ERVW-1: variants seen among roughly 807,000 people sequenced by gnomAD.
ERVW-1 encodes syncytin-1.
A neutral mutation model predicts 16.6 loss-of-function variants in ERVW-1; 21 were observed. The observed-to-expected ratio is 1.26, with a 90% CI of 0.90 to 1.82. The LOEUF (loss-of-function observed/expected upper bound fraction) is 1.82, where lower values mean the gene tolerates loss of function less well. Among genes scored for constraint, ERVW-1 ranks in the 40% most tolerant of loss-of-function variants. ERVW-1 has a pLI of 0.00. For synonymous variants in ERVW-1, 161 were observed against 109.8 expected (o/e 1.47, Z -2.92); for missense variants, 412 against 300.2 (o/e 1.37, Z -2.75).
chr7:92,468,986 G>C lies in ERVW-1; in HGVS notation c.1396C>G (p.Pro466Ala), dbSNP rs1299795589. The C allele has an allele frequency of 2.6e-6, 2 of 760,256 alleles. No individual in the cohort carries two copies. Among genetic ancestry groups the C allele is most frequent in the Non-Finnish European group, 4.8e-6 (2 of 416,398 alleles). The allele number at this position is 760,256 out of a possible 1,614,324, so 47.1% of individuals were successfully genotyped here. ...AAIILLLLFGPCIFNLLVNFV... is the reference protein window; with the variant it reads ...AAIILLLLFGACIFNLLVNFV... ...TTAACAAGGAGGTTAAAGATACAGG[G>C]TCCAAAGAGGAGTAGCAATATTATA... The change falls in exon 2 of 2, where the codon CCC becomes GCC. Residue 466 changes from proline (P) to alanine (A), a missense_variant. Physicochemically the swap from Pro to Ala is conservative, Grantham distance 27 (BLOSUM62 -1). Coordinates refer to ENST00000603053, the MANE Select transcript of ERVW-1 (RefSeq NM_001130925.2).
intron 1 of ERVW-1, chr7:92,470,830 G>T (rs547498392): frequency 5.9e-6 from 1 of 168,576 alleles, no homozygotes; most frequent in Non-Finnish European, 1.4e-5. Flanking sequence ...TATGGGCTAA[G>T]TCCTGCTTTT....
chr7:92,471,940 G>C (rs1299927313), intron 1 of ERVW-1: 1 of 152,192 alleles, frequency 6.6e-6, no homozygotes, highest in Non-Finnish European at 1.5e-5. Flanking sequence ...AGTTCTGCTA[G>C]CTGAGCACTA....
At position 92,469,386 on chromosome 7, in the gene ERVW-1, T is replaced by G. The variant is rs751548935; in HGVS notation, c.996A>C (p.Ala332=). Residue 332 remains alanine (A), a synonymous_variant, in exon 2 of 2, where the codon GCA becomes GCC. Coordinates refer to ENST00000603053, the MANE Select transcript of ERVW-1 (RefSeq NM_001130925.2). ...PFVIGAGVLG[A]LGTGIGGITT... is the part of the protein sequence containing the mutation. ...TGATACCGCCAATGCCAGTACCTAG[T>G]GCACCTAGCACTCCTGCTCCTATAA... is the stretch of plus-strand genomic sequence containing the variant. The G allele has an allele frequency of 1.3e-6, 1 of 770,550 alleles. No homozygotes were observed. Among genetic ancestry groups the G allele is most frequent in the African/African-American group, 1.7e-5 (1 of 59,074 alleles). The allele number at this position is 770,550 out of a possible 1,614,324, so 47.7% of individuals were successfully genotyped here. A position where few individuals can be genotyped will look rare whatever the true frequency, so the allele number is the denominator to read the frequency against.
chr7:92,469,736 T>C lies in ERVW-1; in HGVS notation c.646A>G (p.Thr216Ala), dbSNP rs756550046. The change falls in exon 2 of 2, where the codon ACT becomes GCT. Residue 216 changes from threonine to alanine, a missense_variant. Transcript: ENST00000603053. ...WNNFSTEINT[T>A]SVLVGPLVSN... ...ACAAGAGGTCCTACTAAAACGGAAG[T>C]GGTGTTTATTTCTGTGCTGAAGTTG... is the stretch of plus-strand genomic sequence containing the variant. 1.3e-6 allele frequency: 1 copy of C among 764,074 alleles called. No homozygotes were observed. The highest frequency in any genetic ancestry group is 2.4e-6 in the Non-Finnish European group (1 of 417,770). 47.3% of individuals were successfully genotyped at this position (764,074 alleles called of 1,614,324 possible).
At position 92,470,024 on chromosome 7, in the gene ERVW-1, C is replaced by T. The variant is rs375431669; in HGVS notation, c.358G>A (p.Val120Ile). 1.3e-6 allele frequency: 1 copy of T among 778,726 alleles called. No homozygotes were observed. Among genetic ancestry groups the T allele is most frequent in the Non-Finnish European group, 2.4e-6 (1 of 417,932 alleles). 48.2% of individuals were successfully genotyped at this position (778,726 alleles called of 1,614,324 possible). ...TQTGMSDGGGVQDQAREKHVK... is the reference protein window; with the variant it reads ...TQTGMSDGGGIQDQAREKHVK... ...TGTTTTTCTCTTGCCTGATCTTGAA[C>T]TCCACCCCCATCAGACATACCAGTT... Residue 120 changes from valine to isoleucine, a missense_variant, in exon 2 of 2, where the codon GTT becomes ATT. Val to Ile is a conservative substitution (Grantham distance 29, BLOSUM62 3). Transcript: ENST00000603053.
chr7:92,475,984 T>C (rs1790526942), intron 1 of ERVW-1, among the ~76,000 whole-genome samples: 2 of 152,212 alleles, frequency 1.3e-5, no homozygotes, highest in Admixed American at 1.3e-4. Context: ...TTTCTAACTC[T>C]GCTTCCACAA....
chr7:92,470,165 A>G lies in ERVW-1; in HGVS notation c.217T>C (p.Tyr73His), dbSNP rs1164357005. 1 of 778,706 alleles carries G rather than the reference A, an allele frequency of 1.3e-6. No homozygotes were observed. The highest frequency in any genetic ancestry group is 1.7e-5 in the African/African-American group (1 of 59,038). 48.2% of individuals were successfully genotyped at this position (778,706 alleles called of 1,614,324 possible). The stretch of plus-strand genomic sequence containing the variant: ...TGCATGCAAAGAGTGGCAGAGTGAT[A>G]GCAGTTGCGGGGCATATGGGTGTGG... ...TAHTHMPRNCYHSATLCMHAN... is the reference protein window; with the variant it reads ...TAHTHMPRNCHHSATLCMHAN... Residue 73 changes from tyrosine (Y) to histidine (H), a missense_variant, in exon 2 of 2, where the codon TAT (tyrosine) becomes CAT (histidine). Tyr to His is a moderately conservative substitution (Grantham distance 83, BLOSUM62 2). Transcript: ENST00000603053.
intron 1 of ERVW-1, chr7:92,471,031 T>C (rs1790328070): frequency 6.0e-6 from 1 of 167,044 alleles, no homozygotes; most frequent in Non-Finnish European, 1.5e-5. Context: ...ACTCCCTGGG[T>C]TACTGTGGCC....
At position 92,470,220 on chromosome 7, in the gene ERVW-1, A is replaced by G. The variant is rs1790285347; in HGVS notation, c.162T>C (p.Ser54=). ...TGAAGGTGGGGGTTCCCTTAGAAAGACTCCTATACGATGGGGCATCAATAT... is the reference window on the plus strand; with the variant it reads ...TGAAGGTGGGGGTTCCCTTAGAAAGGCTCCTATACGATGGGGCATCAATAT... ...PGNIDAPSYR[S]LSKGTPTFTA... is the part of the protein sequence containing the mutation. The change falls in exon 2 of 2, where the codon AGT becomes AGC. Residue 54 remains serine, a synonymous_variant. Coordinates refer to ENST00000603053, the MANE Select transcript of ERVW-1 (RefSeq NM_001130925.2). 1 of 777,972 alleles carries G rather than the reference A, an allele frequency of 1.3e-6. No individual in the cohort carries two copies. Among genetic ancestry groups the G allele is most frequent in the Non-Finnish European group, 2.4e-6 (1 of 417,644 alleles). 48.2% of individuals were successfully genotyped at this position (777,972 alleles called of 1,614,324 possible).
In ERVW-1 at chr7:92,469,402, G is replaced by C. The variant is rs890898382; in HGVS notation, c.980C>G (p.Ala327Gly). ...AGTACCTAGTGCACCTAGCACTCCT[G>C]CTCCTATAACAAAAGGAAGAATGGG... is the stretch of plus-strand genomic sequence containing the variant. Reference protein sequence around the residue: ...RVPILPFVIGAGVLGALGTGI... With the variant: ...RVPILPFVIGGGVLGALGTGI... Residue 327 changes from alanine to glycine, a missense_variant, in exon 2 of 2, where the codon GCA (alanine) becomes GGA (glycine). Transcript: ENST00000603053. The C allele has an allele frequency of 3.9e-6, 3 of 771,840 alleles. No individual in the cohort carries two copies. The highest frequency in any genetic ancestry group is 7.2e-6 in the Non-Finnish European group (3 of 417,180). 47.8% of individuals were successfully genotyped at this position (771,840 alleles called of 1,614,324 possible).
In ERVW-1 at chr7:92,468,395, T is replaced by TG. The variant is rs1326824699; in HGVS notation, c.*369_*370insC. On this transcript the variant is annotated 3_prime_UTR_variant, in exon 2 of 2. Transcript: ENST00000603053. ...ACCAGAAGAGTGCAGTTGCAAGATT[T>TG]AATAGAGTGAAATAGCATGAAAACA... 3 of 176,224 alleles carry TG rather than the reference T, an allele frequency of 1.7e-5. No homozygotes were observed. The highest frequency in any genetic ancestry group is 7.2e-5 in the African/African-American group (3 of 41,766). The allele number at this position is 176,224 out of a possible 1,614,324, so 10.9% of individuals were successfully genotyped here.
chr7:92,476,562 T>C (rs1790551487), intron 1 of ERVW-1, among the ~76,000 whole-genome samples: 1 of 152,132 alleles, frequency 6.6e-6, no homozygotes, highest in Non-Finnish European at 1.5e-5. Context: ...GCACACTGTT[T>C]TTTACTATTT....
intron 1 of ERVW-1, 134 bp downstream of exon 1, chr7:92,477,248 G>A (rs1790582562): frequency 6.6e-6 from 1 of 152,282 alleles, no homozygotes; most frequent in Admixed American, 6.5e-5. Flanking sequence ...TCCCCAGATA[G>A]CCTCACACCT....
rs370612157 is a variant in ERVW-1 at position 92,474,254 on chromosome 7, C to T, written c.-228+3128G>A. ...GTTTCTAAGTTTTGCTCCGGGCCTA[C>T]GGCAGACTTTTGAAGTTTTTTTCTA... On this transcript the variant is annotated intron_variant, in intron 1 of 1. Coordinates refer to ENST00000603053, the MANE Select transcript of ERVW-1 (RefSeq NM_001130925.2). Among the ~76,000 whole-genome samples the T allele has an allele frequency of 1.9e-4, 29 of 152,146 alleles. 1 individual carries two copies. The East Asian group carries it at 2.7e-3, about 14-fold the overall frequency.
Position 92,468,796 on chromosome 7 carries a change from A to T in ERVW-1, c.1586T>A (p.Leu529Gln). 1.3e-6 allele frequency: 1 copy of T among 759,074 alleles called. No homozygotes were observed. The allele number at this position is 759,074 out of a possible 1,614,324, so 47.0% of individuals were successfully genotyped here. A position where few individuals can be genotyped will look rare whatever the true frequency, so the allele number is the denominator to read the frequency against. Residue 529 changes from leucine (L) to glutamine (Q), a missense_variant, in exon 2 of 2, where the codon CTA becomes CAA. Transcript: ENST00000603053. ...GCTTCCTGCTGAATTGGGGCGTAGT[A>T]GAGGTTGTGCAGCTGAGATTTCCTC... ...PPEEISAAQP[L>Q]LRPNSAGSS
At position 92,469,526 on chromosome 7, in the gene ERVW-1, A is replaced by C. The variant is rs376811381; in HGVS notation, c.856T>G (p.Ser286Ala). 37 of 767,886 alleles carry C rather than the reference A, an allele frequency of 4.8e-5. No homozygotes were observed. The highest frequency in any genetic ancestry group is 8.6e-5 in the Non-Finnish European group (36 of 417,090). The allele number at this position is 767,886 out of a possible 1,614,324, so 47.6% of individuals were successfully genotyped here. A position where few individuals can be genotyped will look rare whatever the true frequency, so the allele number is the denominator to read the frequency against. Reference protein sequence around the residue: ...AYRCLNGSSESMCFLSFLVPP... With the variant: ...AYRCLNGSSEAMCFLSFLVPP... Reference sequence around the variant, plus strand: ...ACTAAGAATGAGAGGAAGCACATAGATTCTGAAGAGCCATTCAAACAACGA... The same window carrying C: ...ACTAAGAATGAGAGGAAGCACATAGCTTCTGAAGAGCCATTCAAACAACGA... Residue 286 changes from serine to alanine, a missense_variant, in exon 2 of 2, where the codon TCT becomes GCT. By Grantham distance (99) the Ser-to-Ala change is moderately conservative. Transcript: ENST00000603053.
At chr7:92,476,433 C>T (rs1430076175) in intron 1 of ERVW-1, among the ~76,000 whole-genome samples, 2 of 152,156 alleles carry the variant, frequency 1.3e-5, no homozygotes, top group East Asian at 1.9e-4. Context: ...TCAGTGCTTT[C>T]GGCCTATGCT....
chr7:92,469,296 G>A lies in ERVW-1; in HGVS notation c.1086C>T (p.Ala362=), dbSNP rs778075828. 27 of 764,476 alleles carry A rather than the reference G, an allele frequency of 3.5e-5. No individual in the cohort carries two copies. Among genetic ancestry groups the A allele is most frequent in the African/African-American group, 1.9e-4 (11 of 59,206 alleles). 47.4% of individuals were successfully genotyped at this position (764,476 alleles called of 1,614,324 possible). Residue 362 remains alanine (A), a synonymous_variant, in exon 2 of 2, where the codon GCC becomes GCT. Coordinates refer to ENST00000603053, the MANE Select transcript of ERVW-1 (RefSeq NM_001130925.2). The stretch of plus-strand genomic sequence containing the variant: ...GATCTTGCAAGGTGACCAGGGAGTC[G>A]GCGACCCGTTCCATGTCCCCATTTA... ...QELNGDMERV[A]DSLVTLQDQL...
rs1003167722 is a variant in ERVW-1 at position 92,470,537 on chromosome 7, A to T, written c.-156T>A. 2 of 557,170 alleles carry T rather than the reference A, an allele frequency of 3.6e-6. No individual in the cohort carries two copies. The highest frequency in any genetic ancestry group is 3.8e-5 in the African/African-American group (2 of 52,514). 34.5% of individuals were successfully genotyped at this position (557,170 alleles called of 1,614,324 possible). Reference sequence around the variant, plus strand: ...TTGACTCAAGTGTGATGTATCCAAGACTCCACTCCAGCCACTTTAACCGCA... The same window carrying T: ...TTGACTCAAGTGTGATGTATCCAAGTCTCCACTCCAGCCACTTTAACCGCA... On this transcript the variant is annotated 5_prime_UTR_variant, in exon 2 of 2. Coordinates refer to ENST00000603053, the MANE Select transcript of ERVW-1 (RefSeq NM_001130925.2).
Sources: allele counts gnomAD v4.1 joint callset (sites outside exome capture counted in the v4.1 genomes callset), GRCh38; gene constraint gnomAD v4.1.1; transcripts MANE v1.5; gene names NCBI Gene and HGNC (gene_info 2026-07-23, HGNC 2026-07-21).